SPOCK3: variants seen among roughly 807,000 people sequenced by gnomAD.
SPOCK3 encodes SPARC (osteonectin), cwcv and kazal like domains proteoglycan 3, also known as testican-3.
In SPOCK3, 30 loss-of-function variants were observed where a neutral mutation model predicts 56.6. The ratio of observed to expected loss-of-function variants is 0.53; its 90% CI spans 0.40 to 0.72. SPOCK3 has a LOEUF of 0.72. SPOCK3 is among the 30% of genes least tolerant of loss of function. SPOCK3 has a pLI of 0.00. For synonymous variants in SPOCK3, 196 were observed against 183.3 expected, an observed-to-expected ratio of 1.07 and a Z score of -0.56; for missense variants, 527 against 530.0, an observed-to-expected ratio of 0.99 and a Z score of 0.06.
chr4:167,149,053 T>C (rs1764199123), intron 2 of SPOCK3, among the ~76,000 whole-genome samples: 1 of 152,122 alleles, frequency 6.6e-6, no homozygotes, highest in African/African-American at 2.4e-5. Context: ...TGAACTAAAT[T>C]CACTGAGCAT....
chr4:167,037,971 A>G (rs1304663628), intron 3 of SPOCK3, among the ~76,000 whole-genome samples: 1 of 152,170 alleles, frequency 6.6e-6, no homozygotes, highest in Non-Finnish European at 1.5e-5. Context: ...AGAAACAGAA[A>G]GCTCTGGGAC....
intron 5 of SPOCK3, among the ~76,000 whole-genome samples, chr4:166,897,462 G>A (rs1022623157): frequency 1.3e-5 from 2 of 152,134 alleles, no homozygotes; most frequent in African/African-American, 4.8e-5. Context: ...GGTTGGGTGG[G>A]ATTGTTTGCA....
At chr4:166,856,992 C>T (rs1478342624) in intron 6 of SPOCK3, among the ~76,000 whole-genome samples, 2 of 152,034 alleles carry the variant, frequency 1.3e-5, no homozygotes, top group African/African-American at 2.4e-5. Flanking sequence ...TGCCTGGATT[C>T]CTACATCTGC....
chr4:167,184,164 T>C (rs979616463), intron 2 of SPOCK3, among the ~76,000 whole-genome samples: 1 of 152,198 alleles, frequency 6.6e-6, no homozygotes, highest in African/African-American at 2.4e-5. Context: ...ATTAATCCCC[T>C]TTCACTCTTA....
chr4:166,857,298 C>CAGACCCCACCTCTGGCAGGA (rs1311917428), intron 6 of SPOCK3, among the ~76,000 whole-genome samples: 1 of 152,190 alleles, frequency 6.6e-6, no homozygotes, highest in African/African-American at 2.4e-5. Flanking sequence ...GCCCAAGGCT[C>CAGACCCCACCTCTGGCAGGA]AGACCCCACC....
At chr4:166,837,861 T>G (rs1323435379) in intron 6 of SPOCK3, among the ~76,000 whole-genome samples, 1 of 152,174 alleles carries the variant, frequency 6.6e-6, no homozygotes, top group Non-Finnish European at 1.5e-5. Context: ...AAGCTGTGGT[T>G]GCTACAAATT....
chr4:166,825,814 T>C (rs1745400144), intron 6 of SPOCK3, among the ~76,000 whole-genome samples: 1 of 152,058 alleles, frequency 6.6e-6, no homozygotes, highest in Non-Finnish European at 1.5e-5. Flanking sequence ...TATTGTATGT[T>C]CTCACTTATA....
chr4:167,089,157 A>G (rs1254884194), intron 2 of SPOCK3, among the ~76,000 whole-genome samples: 1 of 152,134 alleles, frequency 6.6e-6, no homozygotes, highest in Non-Finnish European at 1.5e-5. Flanking sequence ...ATGTGTGTGT[A>G]CATATATATA....
intron 3 of SPOCK3, among the ~76,000 whole-genome samples, chr4:167,025,669 A>G (rs1175288483): frequency 6.6e-6 from 1 of 152,038 alleles, no homozygotes; most frequent in Admixed American, 6.6e-5. Flanking sequence ...ACTAGTACAA[A>G]CAAAATGCAC....
intron 4 of SPOCK3, among the ~76,000 whole-genome samples, chr4:166,989,629 T>C (rs1747552364): frequency 6.6e-6 from 1 of 152,114 alleles, no homozygotes; most frequent in Non-Finnish European, 1.5e-5. Flanking sequence ...ACTTACACAG[T>C]CTCCTATGCT....
chr4:167,031,522 A>C (rs1234572959), intron 3 of SPOCK3, among the ~76,000 whole-genome samples: 2 of 152,044 alleles, frequency 1.3e-5, no homozygotes, highest in Admixed American at 6.6e-5. Flanking sequence ...TACAAGAAAA[A>C]GGCACACTGT....
intron 3 of SPOCK3, among the ~76,000 whole-genome samples, chr4:167,041,618 T>C (rs542915309): frequency 5.1e-4 from 78 of 152,268 alleles, no homozygotes; most frequent in Middle Eastern, 6.8e-3. Flanking sequence ...TGAAAAATAC[T>C]CTGAAAATGC....
intron 6 of SPOCK3, among the ~76,000 whole-genome samples, chr4:166,877,195 A>G (rs1733188543): frequency 1.3e-5 from 2 of 152,134 alleles, no homozygotes; most frequent in South Asian, 4.1e-4. Flanking sequence ...CATGTACACA[A>G]ATTATTTTGT....
rs1295783982 is a variant in SPOCK3, at chr4:166,922,732, A to T, written c.351-9989T>A. On this transcript the variant is annotated intron_variant, in intron 4 of 10. Coordinates refer to ENST00000357545, the MANE Select transcript of SPOCK3 (RefSeq NM_001040159.2). ...ATATTTCTAACTTCTGTTGAACTCC[A>T]CTTACAAGCACGCAGGAAGCAGCAG... Among the ~76,000 whole-genome samples, 3 of 152,136 alleles carry T rather than the reference A, an allele frequency of 2.0e-5. No homozygotes were observed. The East Asian group carries it at 5.8e-4, about 29-fold the overall frequency.
intron 2 of SPOCK3, among the ~76,000 whole-genome samples, chr4:167,109,747 C>T (rs553052929): frequency 1.3e-5 from 2 of 149,690 alleles, no homozygotes; most frequent in Admixed American, 1.4e-4. Context: ...AAAAACAAGA[C>T]CTTAAAGAAG....
intron 4 of SPOCK3, among the ~76,000 whole-genome samples, chr4:166,990,927 G>C (rs1272676467): frequency 6.6e-6 from 1 of 152,026 alleles, no homozygotes; most frequent in Non-Finnish European, 1.5e-5. Context: ...ATTAAAAACA[G>C]AAATATGTAA....
At chr4:167,157,652 C>A (rs1221281775) in intron 2 of SPOCK3, among the ~76,000 whole-genome samples, 1 of 149,392 alleles carries the variant, frequency 6.7e-6, no homozygotes, top group Admixed American at 6.7e-5. Flanking sequence ...TTGTTTAAAA[C>A]TTTTTTTTTA....
At chr4:166,788,565 A>G (rs965139305) in intron 7 of SPOCK3, among the ~76,000 whole-genome samples, 14 of 151,810 alleles carry the variant, frequency 9.2e-5, no homozygotes, top group Non-Finnish European at 1.9e-4. Flanking sequence ...GAAGTATATG[A>G]ATATTAAAAA....
chr4:166,899,627 C>T (rs972133692), intron 5 of SPOCK3, among the ~76,000 whole-genome samples: 1 of 151,546 alleles, frequency 6.6e-6, no homozygotes, highest in African/African-American at 2.4e-5. Context: ...CTGCCTCAGC[C>T]TCCCTCAGCC....
Sources: allele counts gnomAD v4.1 joint callset (sites outside exome capture counted in the v4.1 genomes callset), GRCh38; gene constraint gnomAD v4.1.1; transcripts MANE v1.5; gene names NCBI Gene and HGNC (gene_info 2026-07-23, HGNC 2026-07-21).